Variants in AGAP1 observed in about 807,000 individuals in gnomAD.
The protein encoded by AGAP1 is arf-GAP with GTPase, ANK repeat and PH domain-containing protein 1.
A neutral mutation model predicts 105.3 loss-of-function variants in AGAP1; 29 were observed. The observed-to-expected ratio is 0.28, with a 90% confidence interval of 0.21 to 0.38. The LOEUF is 0.38. AGAP1 is among the 10% of genes least tolerant of loss of function. The probability of loss-of-function intolerance (pLI) is 1.00; values close to 1 mark genes in which losing one functional copy is unlikely to be tolerated. For missense variants in AGAP1, 998 were observed against 1,165.1 expected, an observed-to-expected ratio of 0.86 and a Z score of 2.09; for synonymous variants, 509 against 485.9, an observed-to-expected ratio of 1.05 and a Z score of -0.63.
chr2:235,876,950 C>T (rs953307302), intron 9 of AGAP1, among the ~76,000 whole-genome samples: 1 of 151,166 alleles, frequency 6.6e-6, no homozygotes, highest in Non-Finnish European at 1.5e-5. Context: ...CGGGTTCAAG[C>T]AATTCTTCTG....
At position 235,671,066 on chromosome 2, in the gene AGAP1, C is replaced by T. The variant is rs972641788; in HGVS notation, c.164-38113C>T. 7 of 1,263,524 alleles carry T rather than the reference C, an allele frequency of 5.5e-6. No homozygotes were observed. The South Asian group carries it at 8.9e-5, about 16-fold the overall frequency. The allele number at this position is 1,263,524 out of a possible 1,614,324, so 78.3% of individuals were successfully genotyped here. On this transcript the variant is annotated intron_variant, in intron 1 of 17. Transcript: ENST00000304032. ...CGGCTCCCCGCGCAGAGGTGGGCAG[C>T]GTGGCCGGGGGTCCCGGGACGGGAA...
intron 1 of AGAP1, among the ~76,000 whole-genome samples, chr2:235,688,660 T>C (rs1193603584): frequency 6.6e-6 from 1 of 152,186 alleles, no homozygotes; most frequent in Admixed American, 6.5e-5. Context: ...CAGATTTTCG[T>C]CATGACCACG....
rs1312539164 is a variant in AGAP1, at chr2:236,109,819, C to T, written c.2115-10373C>T. On this transcript the variant is annotated intron_variant, in intron 16 of 17. Transcript: ENST00000304032. This position sits in a 1 kb window ranked among gnomAD's most constrained non-coding sequence, Gnocchi z 5.4. ...TTGTTTCAATTCACGTCAACACCCA[C>T]GGGCAGCTTACAGCTGCCCCATTGG... 6.6e-6 allele frequency among the ~76,000 whole-genome samples: 1 copy of T among 152,260 alleles called. No homozygotes were observed. Among genetic ancestry groups the T allele is most frequent in the African/African-American group, 2.4e-5 (1 of 41,468 alleles).
In AGAP1 at chr2:236,126,732, T is replaced by C. The variant is rs1371657068; in HGVS notation, c.*2610T>C. The C allele has an allele frequency of 6.6e-6, 1 of 152,106 alleles. No homozygotes were observed. Among genetic ancestry groups the C allele is most frequent in the African/African-American group, 2.4e-5 (1 of 41,404 alleles). 9.4% of individuals were successfully genotyped at this position (152,106 alleles called of 1,614,324 possible). A position where few individuals can be genotyped will look rare whatever the true frequency, so the allele number is the denominator to read the frequency against. On this transcript the variant is annotated 3_prime_UTR_variant, in exon 18 of 18. Coordinates refer to ENST00000304032, the MANE Select transcript of AGAP1 (RefSeq NM_001037131.3). ...CCACTTTCTAGGGCCCAAGTTTTGG[T>C]AGCAGAAGGAAAGGCAGTTTTTGAG...
At chr2:235,913,330 A>G (rs748831473) in intron 11 of AGAP1, among the ~76,000 whole-genome samples, 31 of 152,266 alleles carry the variant, frequency 2.0e-4, no homozygotes, top group South Asian at 1.2e-3. Flanking sequence ...ATGTATATGC[A>G]TGTATTTAGC....
intron 1 of AGAP1, among the ~76,000 whole-genome samples, chr2:235,571,956 GTGTA>G (rs1164735220): frequency 8.5e-6 from 1 of 117,980 alleles, no homozygotes; most frequent in Non-Finnish European, 1.7e-5. Flanking sequence ...GTGTGTGTGT[GTGTA>G]TACATATATA....
intron 9 of AGAP1, among the ~76,000 whole-genome samples, chr2:235,817,830 G>A (rs1338029786): frequency 6.6e-6 from 1 of 152,178 alleles, no homozygotes; most frequent in Non-Finnish European, 1.5e-5. Flanking sequence ...CGGGGAGGTT[G>A]CAGTGGGCTG....
chr2:235,851,497 A>AT (rs930673990), intron 9 of AGAP1, among the ~76,000 whole-genome samples: 18 of 150,996 alleles, frequency 1.2e-4, no homozygotes, highest in Middle Eastern at 3.4e-3. Flanking sequence ...GTTTCAGAGA[A>AT]TTTTTTTTTT....
chr2:235,558,742 A>G (rs1944053196), intron 1 of AGAP1, among the ~76,000 whole-genome samples: 1 of 152,192 alleles, frequency 6.6e-6, no homozygotes, highest in Admixed American at 6.5e-5. Context: ...CAGCCGCAGC[A>G]ACTTACAATA....
At chr2:235,543,122 C>CGTTGGGTGTTGGGTGTTGGGT (rs543153121) in intron 1 of AGAP1, among the ~76,000 whole-genome samples, 4 of 143,122 alleles carry the variant, frequency 2.8e-5, no homozygotes, top group Non-Finnish European at 6.1e-5. Flanking sequence ...CCCTGCCCCT[C>CGTTGGGTGTTGGGTGTTGGGT]GTTGGGTGTT....
Position 236,053,742 on chromosome 2 carries a change from T to G in AGAP1, c.2114+4461T>G, listed in dbSNP as rs1387776667. On this transcript the variant is annotated intron_variant, in intron 16 of 17. Transcript: ENST00000304032. The surrounding 1 kb of genome is among the most constrained non-coding windows in gnomAD (Gnocchi z 4.6). ...TTTACTTGGCGGCTTAGGAGCCTGC[T>G]GATTTGGGCCAGGAAATCAAAGGAA... Among the ~76,000 whole-genome samples the G allele has an allele frequency of 6.6e-6, 1 of 152,272 alleles. No homozygotes were observed. The highest frequency in any genetic ancestry group is 2.4e-5 in the African/African-American group (1 of 41,480).
chr2:236,016,186 C>T (rs2056696445), intron 13 of AGAP1, among the ~76,000 whole-genome samples: 1 of 151,842 alleles, frequency 6.6e-6, no homozygotes, highest in Non-Finnish European at 1.5e-5. Context: ...TCATTGGTAT[C>T]TTCTTTCAAA....
chr2:236,048,208 G>A (rs1453071556), intron 15 of AGAP1, among the ~76,000 whole-genome samples: 2 of 152,228 alleles, frequency 1.3e-5, no homozygotes, highest in South Asian at 2.1e-4. Flanking sequence ...CACATCAGCT[G>A]TAGATTCTAG....
chr2:235,985,968 A>G (rs900211163), intron 13 of AGAP1, among the ~76,000 whole-genome samples: 10 of 152,184 alleles, frequency 6.6e-5, no homozygotes, highest in African/African-American at 1.7e-4. Context: ...CTTTGATTCC[A>G]TATGAAATTT....
At chr2:235,602,836 G>C (rs1399653526) in intron 1 of AGAP1, among the ~76,000 whole-genome samples, 1 of 152,102 alleles carries the variant, frequency 6.6e-6, no homozygotes, top group Non-Finnish European at 1.5e-5. Flanking sequence ...CGAACAGCTG[G>C]GATTACAAGC....
intron 4 of AGAP1, among the ~76,000 whole-genome samples, chr2:235,742,261 G>A (rs1267975218): frequency 6.6e-6 from 1 of 152,168 alleles, no homozygotes; most frequent in East Asian, 1.9e-4. Flanking sequence ...GGAGGGCTGT[G>A]CGGTTATACA....
At chr2:236,008,463 A>G (rs566040072) in intron 13 of AGAP1, among the ~76,000 whole-genome samples, 1 of 152,376 alleles carries the variant, frequency 6.6e-6, no homozygotes, top group African/African-American at 2.4e-5. Flanking sequence ...TTAGAAATTT[A>G]TCATGAAGTT....
At position 235,642,341 on chromosome 2, in the gene AGAP1, G is replaced by A. The variant is rs1246112227; in HGVS notation, c.164-66838G>A. Among the ~76,000 whole-genome samples, 2 of 152,350 alleles carry A rather than the reference G, an allele frequency of 1.3e-5. No individual in the cohort carries two copies. The highest frequency in any genetic ancestry group is 4.8e-5 in the African/African-American group (2 of 41,570). ...CTCTGCACTCAACCTCCTGGGACCTGGGGCTGCACCCACTGGCATTGATTA... is the reference window on the plus strand; with the variant it reads ...CTCTGCACTCAACCTCCTGGGACCTAGGGCTGCACCCACTGGCATTGATTA... On this transcript the variant is annotated intron_variant, in intron 1 of 17. Coordinates refer to ENST00000304032, the MANE Select transcript of AGAP1 (RefSeq NM_001037131.3). This position sits in a 1 kb window ranked among gnomAD's most constrained non-coding sequence, Gnocchi z 4.1.
Position 235,750,606 on chromosome 2 carries a change from G to A in AGAP1, c.673+118G>A. On this transcript the variant is annotated intron_variant, in intron 6 of 17. Transcript: ENST00000304032. The surrounding 1 kb of genome is among the most constrained non-coding windows in gnomAD (Gnocchi z 5.3). ...GGTGGAAATATGTCGTTGATGGGTG[G>A]GCATTAGTATCGAGAGCAGTCCATT... 6.9e-7 allele frequency: 1 copy of A among 1,459,000 alleles called. No homozygotes were observed. 90.4% of individuals were successfully genotyped at this position (1,459,000 alleles called of 1,614,324 possible).
Sources: gnomAD v4.1 joint callset for allele counts (sites outside exome capture counted in the v4.1 genomes callset) on GRCh38, gnomAD v4.1.1 for gene constraint, Gnocchi (gnomAD v3.1) non-coding constraint, MANE v1.5 for transcripts, NCBI Gene and HGNC (gene_info 2026-07-23, HGNC 2026-07-21) for gene names.